The following SRGAP1 variants were observed in gnomAD, a reference collection of about 807,000 sequenced individuals.
SRGAP1 encodes SLIT-ROBO Rho GTPase activating protein 1.
SRGAP1 carries 43 observed loss-of-function variants against 121.9 expected under a neutral mutation model. The observed-to-expected ratio is 0.35, with a 90% CI of 0.28 to 0.46. The LOEUF is 0.46. Among genes scored for constraint, SRGAP1 ranks in the 20% least tolerant of loss-of-function variants. SRGAP1 has a pLI of 1.00. For synonymous variants in SRGAP1, 447 were observed against 485.4 expected, an observed-to-expected ratio of 0.92 and a Z score of 1.04; for missense variants, 1,102 against 1,350.9, an observed-to-expected ratio of 0.82 and a Z score of 2.89.
chr12:64,031,370 TTA>T (rs1188063119), intron 4 of SRGAP1, among the ~76,000 whole-genome samples: 2 of 151,568 alleles, frequency 1.3e-5, no homozygotes, highest in East Asian at 3.9e-4. Context: ...GAGAAGTATG[TTA>T]TATATGTTTC....
chr12:63,946,226 AT>A lies in SRGAP1; in HGVS notation c.68-37719del, dbSNP rs1201757524. 2.6e-5 allele frequency among the ~76,000 whole-genome samples: 4 copies of A among 151,506 alleles called. No individual in the cohort carries two copies. In the East Asian group the frequency reaches 7.8e-4, roughly 29 times the overall value. On this transcript the variant is annotated intron_variant, in intron 1 of 21. Coordinates refer to ENST00000355086, the MANE Select transcript of SRGAP1 (RefSeq NM_020762.4). ...TTTTTGTATTCTCCTTTATGTTACC[AT>A]TGTCACCATCCTAATTTTGGCCTTA...
intron 1 of SRGAP1, among the ~76,000 whole-genome samples, chr12:63,967,041 C>T (rs2032809189): frequency 6.6e-6 from 1 of 152,188 alleles, no homozygotes; most frequent in Non-Finnish European, 1.5e-5. Context: ...AGTGCATTTA[C>T]TCATACAGTA....
In SRGAP1 at chr12:64,078,611, A is replaced by G. The variant is rs113556377; in HGVS notation, c.1126-308A>G. On this transcript the variant is annotated intron_variant, in intron 8 of 21. Coordinates refer to ENST00000355086, the MANE Select transcript of SRGAP1 (RefSeq NM_020762.4). ...CAAGCTGCACACTTATGGTCTGTGT[A>G]TTTTTCTATGTGTAGTTTGACTTCA... is the stretch of plus-strand genomic sequence containing the variant. Among the ~76,000 whole-genome samples, 340 of 152,328 alleles carry G rather than the reference A, an allele frequency of 2.2e-3. 2 individuals carry two copies. Among genetic ancestry groups the G allele is most frequent in the African/African-American group, 7.7e-3 (318 of 41,564 alleles).
intron 3 of SRGAP1, among the ~76,000 whole-genome samples, chr12:63,992,804 G>A (rs369636731): frequency 6.6e-5 from 10 of 151,846 alleles, no homozygotes; most frequent in African/African-American, 2.2e-4. Flanking sequence ...AGATTTTCTG[G>A]TTCTCAAAGA....
rs769857064 is a variant in SRGAP1, at chr12:64,078,914, C to A, written c.1126-5C>A. The A allele has an allele frequency of 5.5e-5, 88 of 1,611,660 alleles. No individual in the cohort carries two copies. Among genetic ancestry groups the A allele is most frequent in the Non-Finnish European group, 7.4e-5 (87 of 1,179,748 alleles). ...CTAACGTGAGAAATGTATTTCTATT[C>A]CCAGGTTAAGAAAACGACTGAAGCC... On this transcript the variant is annotated splice_polypyrimidine_tract_variant and splice_region_variant and intron_variant, in intron 8 of 21. Transcript: ENST00000355086.
At chr12:63,998,861 T>C (rs1305855553) in intron 3 of SRGAP1, among the ~76,000 whole-genome samples, 1 of 152,208 alleles carries the variant, frequency 6.6e-6, no homozygotes, top group African/African-American at 2.4e-5. Flanking sequence ...TATTCATTCC[T>C]TCTTCAATAA....
At chr12:63,991,351 A>G (rs919909117) in intron 3 of SRGAP1, among the ~76,000 whole-genome samples, 1 of 152,162 alleles carries the variant, frequency 6.6e-6, no homozygotes, top group Non-Finnish European at 1.5e-5. Flanking sequence ...CAGCTGGAAA[A>G]TTTCTTAGTC....
intron 1 of SRGAP1, among the ~76,000 whole-genome samples, chr12:63,966,803 A>C (rs2136386612): frequency 6.6e-6 from 1 of 152,318 alleles, no homozygotes; most frequent in Non-Finnish European, 1.5e-5. Flanking sequence ...GGAAATGGGT[A>C]AGTAAATCGG....
At chr12:64,089,517 T>A (rs1355789027) in intron 11 of SRGAP1, among the ~76,000 whole-genome samples, 1 of 152,234 alleles carries the variant, frequency 6.6e-6, no homozygotes, top group Admixed American at 6.5e-5. Flanking sequence ...ATCCACACTT[T>A]AAAACACTTT....
intron 1 of SRGAP1, among the ~76,000 whole-genome samples, chr12:63,937,071 G>A (rs1354206657): frequency 6.6e-6 from 1 of 152,088 alleles, no homozygotes; most frequent in African/African-American, 2.4e-5. Context: ...CCAAAGCAGA[G>A]GAGAGGGAAG....
chr12:64,005,816 T>G (rs972906383), intron 3 of SRGAP1, among the ~76,000 whole-genome samples: 1 of 152,146 alleles, frequency 6.6e-6, no homozygotes, highest in African/African-American at 2.4e-5. Flanking sequence ...TTTTTATTTT[T>G]TCTGAAACCT....
At chr12:64,069,615 C>T (rs1425360645) in intron 8 of SRGAP1, among the ~76,000 whole-genome samples, 1 of 152,094 alleles carries the variant, frequency 6.6e-6, no homozygotes, top group African/African-American at 2.4e-5. Flanking sequence ...ATTTTGATTA[C>T]TTAACTGTTT....
At chr12:64,055,601 C>G (rs928878692) in intron 6 of SRGAP1, among the ~76,000 whole-genome samples, 1 of 151,714 alleles carries the variant, frequency 6.6e-6, no homozygotes, top group African/African-American at 2.4e-5. Flanking sequence ...TGACTTCAAA[C>G]TATACTACAA....
chr12:64,039,323 G>A (rs1317803712), intron 4 of SRGAP1, among the ~76,000 whole-genome samples: 2 of 152,100 alleles, frequency 1.3e-5, no homozygotes, highest in African/African-American at 2.4e-5. Context: ...TCTTTCCAGC[G>A]TTAGGTCAGA....
At chr12:64,105,423 C>T (rs955704877) in intron 15 of SRGAP1, among the ~76,000 whole-genome samples, 1 of 151,972 alleles carries the variant, frequency 6.6e-6, no homozygotes, top group African/African-American at 2.4e-5. Flanking sequence ...TTTAAAACTG[C>T]CTTTAAGAGG....
intron 1 of SRGAP1, among the ~76,000 whole-genome samples, chr12:63,974,399 A>G (rs1361330946): frequency 1.3e-5 from 2 of 152,200 alleles, no homozygotes; most frequent in African/African-American, 4.8e-5. Context: ...AAGGTATTGT[A>G]ATGAAGACTT....
chr12:64,009,791 A>G (rs1458120124), intron 3 of SRGAP1, among the ~76,000 whole-genome samples: 7 of 152,188 alleles, frequency 4.6e-5, no homozygotes, highest in African/African-American at 1.4e-4. Context: ...AAAGTAGATC[A>G]TGAAACTAAT....
At chr12:63,889,254 A>G (rs1007168182) in intron 1 of SRGAP1, among the ~76,000 whole-genome samples, 4 of 152,164 alleles carry the variant, frequency 2.6e-5, no homozygotes, top group Non-Finnish European at 5.9e-5. Context: ...TGATTGGGTG[A>G]CAGGGACAAA....
rs1396493956 is a variant in SRGAP1, at chr12:64,047,417, C to G, written c.801+3842C>G. ...TTATGCAGAGGTATCTAGAATTCTT[C>G]ATGCTTTGTGAGTTTATTTAGCGAA... On this transcript the variant is annotated intron_variant, in intron 6 of 21. Coordinates refer to ENST00000355086, the MANE Select transcript of SRGAP1 (RefSeq NM_020762.4). Among the ~76,000 whole-genome samples, 3 of 152,144 alleles carry G rather than the reference C, an allele frequency of 2.0e-5. No individual in the cohort carries two copies. In the East Asian group the frequency reaches 5.8e-4, roughly 29 times the overall value.
Sources: gnomAD v4.1 joint callset for allele counts (sites outside exome capture counted in the v4.1 genomes callset) on GRCh38, gnomAD v4.1.1 for gene constraint, MANE v1.5 for transcripts, NCBI Gene and HGNC (gene_info 2026-07-23, HGNC 2026-07-21) for gene names.